AQR: variants seen among roughly 807,000 people sequenced by gnomAD.
AQR encodes the protein RNA helicase aquarius.
AQR carries 61 observed loss-of-function variants against 180.5 expected under a neutral mutation model. The ratio of observed to expected loss-of-function variants is 0.34; its 90% CI spans 0.28 to 0.42. The LOEUF is 0.42. AQR is among the 10% of genes least tolerant of loss of function. AQR has a pLI of 1.00. For missense variants in AQR, 1,281 were observed against 1,798.3 expected (o/e 0.71, Z 5.20); for synonymous variants, 551 against 588.8 (o/e 0.94, Z 0.93).
intron 27 of AQR, among the ~76,000 whole-genome samples, chr15:34,877,193 A>G (rs2140464396): frequency 6.6e-6 from 1 of 152,274 alleles, no homozygotes; most frequent in Admixed American, 6.5e-5. Flanking sequence ...TCTCATTTAG[A>G]TCTATTATCA....
chr15:34,905,687 A>C (rs1461721324), intron 18 of AQR, among the ~76,000 whole-genome samples: 1 of 152,214 alleles, frequency 6.6e-6, no homozygotes, highest in Non-Finnish European at 1.5e-5. Context: ...GTCAAATTTA[A>C]GAAGAAAAAA....
chr15:34,886,796 T>C, intron 24 of AQR, 135 bp from the exon 25 acceptor site: 3 of 908,538 alleles, frequency 3.3e-6, no homozygotes, highest in South Asian at 1.9e-5. Context: ...TATTTAACTA[T>C]TGGTGGTAGT....
intron 33 of AQR, 27 bp from the exon 34 acceptor site, chr15:34,860,182 G>A (rs754027871): frequency 2.3e-6 from 3 of 1,299,594 alleles, no homozygotes; most frequent in South Asian, 1.6e-5. Context: ...AGAACGTTAA[G>A]TATCTAGTAA....
At chr15:34,943,248 T>C in intron 6 of AQR, 1 of 1,607,910 alleles carries the variant, frequency 6.2e-7, no homozygotes, top group Non-Finnish European at 8.5e-7. Flanking sequence ...GCCAATTTTC[T>C]GGAAAAAGGC....
intron 32 of AQR, among the ~76,000 whole-genome samples, chr15:34,863,775 T>A (rs974398557): frequency 3.3e-5 from 5 of 152,168 alleles, no homozygotes; most frequent in Non-Finnish European, 2.9e-5. Context: ...GAATCTAAGT[T>A]TTTTAAAAAA....
At chr15:34,886,686 G>C in intron 24 of AQR, 25 bp from the exon 25 acceptor site, 15 of 1,585,632 alleles carry the variant, frequency 9.5e-6, no homozygotes, top group Non-Finnish European at 1.3e-5. Flanking sequence ...TAGGCAAAAT[G>C]ACAAAACTGT....
chr15:34,950,423 A>G (rs1894209267), intron 4 of AQR, among the ~76,000 whole-genome samples: 1 of 151,614 alleles, frequency 6.6e-6, no homozygotes, highest in African/African-American at 2.4e-5. Context: ...TCTCAGATCT[A>G]TTTTCTAGTT....
rs1464796291 is a variant in AQR at position 34,900,762 on chromosome 15, A to G, written c.2103T>C (p.His701=). ...ILGYGDPSSA[H]YSKMPNQIAT... ...CAATCTGATTGGGCATTTTCGAATA[A>G]TGTGCACTACTTGGGTCCCCATAAC... The change falls in exon 20 of 35, where the codon CAT becomes CAC. Residue 701 remains histidine, a synonymous_variant. Transcript: ENST00000156471. 1.3e-5 allele frequency: 21 copies of G among 1,614,192 alleles called. No individual in the cohort carries two copies. Among genetic ancestry groups the G allele is most frequent in the Admixed American group, 1.7e-5 (1 of 60,026 alleles).
intron 31 of AQR, chr15:34,869,418 T>C (rs1427895969): frequency 6.6e-6 from 1 of 152,158 alleles, no homozygotes; most frequent in African/African-American, 2.4e-5. Context: ...CCTTTGTTGT[T>C]ATGTGTGGAT....
intron 18 of AQR, 133 bp downstream of exon 18, chr15:34,906,412 T>C (rs1480019957): frequency 3.5e-5 from 37 of 1,070,132 alleles, no homozygotes; most frequent in Non-Finnish European, 4.5e-5. Context: ...TACACATATT[T>C]GATACAAAAT....
rs747051588 is a variant in AQR, at chr15:34,882,475, A to AC, written c.3165+26_3165+27insG. On this transcript the variant is annotated intron_variant, in intron 27 of 34. Coordinates refer to ENST00000156471, the MANE Select transcript of AQR (RefSeq NM_014691.3). Reference sequence around the variant, plus strand: ...AATCTCTGATAATCTTAAAAAAAAAAAAAAAAAAACTACCATAAGTCTTTA... The same window carrying AC: ...AATCTCTGATAATCTTAAAAAAAAAACAAAAAAAAACTACCATAAGTCTTTA... 53 of 1,450,644 alleles carry AC rather than the reference A, an allele frequency of 3.7e-5. No homozygotes were observed. The East Asian group carries it at 7.7e-4, about 21-fold the overall frequency. The allele number at this position is 1,450,644 out of a possible 1,614,324, so 89.9% of individuals were successfully genotyped here.
intron 34 of AQR, among the ~76,000 whole-genome samples, chr15:34,858,226 C>T (rs1481452502): frequency 4.0e-5 from 6 of 150,986 alleles, no homozygotes; most frequent in Non-Finnish European, 2.9e-5. Flanking sequence ...GCAGGTGATC[C>T]ACCTACCTCA....
intron 24 of AQR, among the ~76,000 whole-genome samples, chr15:34,887,104 G>A (rs1014626809): frequency 1.5e-4 from 23 of 150,108 alleles, no homozygotes; most frequent in South Asian, 6.3e-4. Flanking sequence ...CAGCCTGGGC[G>A]ACAAAGCAAG....
intron 27 of AQR, among the ~76,000 whole-genome samples, chr15:34,879,182 G>C (rs1051951547): frequency 5.3e-5 from 8 of 152,144 alleles, no homozygotes; most frequent in Admixed American, 4.6e-4. Flanking sequence ...GTATCCCAAA[G>C]AGTTAAAGAA....
At chr15:34,930,872 T>C (rs1445860308) in intron 11 of AQR, among the ~76,000 whole-genome samples, 1 of 146,268 alleles carries the variant, frequency 6.8e-6, no homozygotes, top group African/African-American at 2.6e-5. Context: ...AGTCTCGCTC[T>C]GTCACCCAGG....
At chr15:34,934,009 T>C (rs1893905875) in intron 10 of AQR, among the ~76,000 whole-genome samples, 1 of 152,054 alleles carries the variant, frequency 6.6e-6, no homozygotes, top group Non-Finnish European at 1.5e-5. Context: ...TAGTCTCAGC[T>C]GATCAGGGGT....
intron 24 of AQR, among the ~76,000 whole-genome samples, chr15:34,887,971 A>G (rs758058150): frequency 2.0e-5 from 3 of 152,226 alleles, no homozygotes; most frequent in African/African-American, 4.8e-5. Context: ...CTGTTAATAA[A>G]ATGCCAAAAT....
At chr15:34,924,577 G>A (rs899061740) in intron 13 of AQR, among the ~76,000 whole-genome samples, 1 of 151,868 alleles carries the variant, frequency 6.6e-6, no homozygotes, top group Admixed American at 6.6e-5. Flanking sequence ...GATTACAGGC[G>A]TGCACCACCA....
In AQR at chr15:34,918,390, G is replaced by A. The variant is rs761802506; in HGVS notation, c.1222-12C>T. 2 of 1,609,896 alleles carry A rather than the reference G, an allele frequency of 1.2e-6. No homozygotes were observed. Among genetic ancestry groups the A allele is most frequent in the African/African-American group, 1.3e-5 (1 of 74,640 alleles). On this transcript the variant is annotated splice_polypyrimidine_tract_variant and intron_variant, in intron 14 of 34. Transcript: ENST00000156471. Reference sequence around the variant, plus strand: ...TCATGACGAGATACCTAAAATAAAGGAAACAAGTTCATGCAGAAGGTTAGA... The same window carrying A: ...TCATGACGAGATACCTAAAATAAAGAAAACAAGTTCATGCAGAAGGTTAGA...
Sources: gnomAD v4.1 joint callset for allele counts (sites outside exome capture counted in the v4.1 genomes callset) on GRCh38, gnomAD v4.1.1 for gene constraint, MANE v1.5 for transcripts, NCBI Gene and HGNC (gene_info 2026-07-23, HGNC 2026-07-21) for gene names.